Variants in OR52I2 observed in about 807,000 individuals in gnomAD.
The protein encoded by OR52I2 is olfactory receptor family 52 subfamily I member 2, also known as olfactory receptor 52I2.
For synonymous variants in OR52I2, 147 were observed against 151.9 expected (o/e 0.97, Z 0.24); for missense variants, 350 against 402.4 (o/e 0.87, Z 1.11).
chr11:4,585,237 G>A (rs1846290734), intron 1 of OR52I2, among the ~76,000 whole-genome samples: 1 of 152,082 alleles, frequency 6.6e-6, no homozygotes, highest in Admixed American at 6.6e-5. Context: ...CACATTTTGA[G>A]TGTGGTACAT....
chr11:4,582,434 A>ATT (rs386372959), intron 1 of OR52I2, among the ~76,000 whole-genome samples: 27,314 of 94,528 alleles, frequency 0.29, 5,236 homozygotes, highest in South Asian at 0.35. Context: ...TTTATTTTTC[A>ATT]TTTTTTTTTT....
At chr11:4,588,841 G>A (rs899929220) in exon 2 of OR52I2, 1 of 152,212 alleles carries the variant, frequency 6.6e-6, no homozygotes, top group Admixed American at 6.5e-5. Context: ...TGACTTTTAT[G>A]AGCCTCAGCT....
intron 1 of OR52I2, among the ~76,000 whole-genome samples, chr11:4,585,427 T>C (rs530441332): frequency 6.6e-5 from 10 of 152,290 alleles, no homozygotes; most frequent in Admixed American, 2.0e-4. Context: ...TATGAAATCA[T>C]TGAAACCAAT....
chr11:4,584,617 A>G (rs1028448652), intron 1 of OR52I2, among the ~76,000 whole-genome samples: 1 of 152,214 alleles, frequency 6.6e-6, no homozygotes, highest in African/African-American at 2.4e-5. Flanking sequence ...AGGCAAAAGT[A>G]AGGGAGACGG....
exon 2 of OR52I2, chr11:4,591,210 C>T (rs1846348024): frequency 6.6e-6 from 1 of 152,144 alleles, no homozygotes; most frequent in Non-Finnish European, 1.5e-5. Context: ...CACAGAATTC[C>T]ATTAATCTGA....
chr11:4,586,863 C>T lies in OR52I2; in HGVS notation c.-19-9C>T, dbSNP rs773535424. 1.9e-6 allele frequency: 3 copies of T among 1,613,946 alleles called. No individual in the cohort carries two copies. The Admixed American group carries it at 5.0e-5, about 27-fold the overall frequency. On this transcript the variant is annotated splice_polypyrimidine_tract_variant and intron_variant, in intron 1 of 1. Coordinates refer to ENST00000641896, the Ensembl canonical transcript of OR52I2. Reference sequence around the variant, plus strand: ...GCATTCTTCTCATACATCATTTGTGCATTAACAGGAAAAAAGTCTCACTTG... The same window carrying T: ...GCATTCTTCTCATACATCATTTGTGTATTAACAGGAAAAAAGTCTCACTTG...
chr11:4,592,089 G>C (rs931278021), exon 2 of OR52I2: 1 of 152,152 alleles, frequency 6.6e-6, no homozygotes, highest in Admixed American at 6.5e-5. Flanking sequence ...CCCATTTAAG[G>C]ATGTTATTTG....
At chr11:4,582,558 G>A (rs937020546) in intron 1 of OR52I2, among the ~76,000 whole-genome samples, 3 of 145,194 alleles carry the variant, frequency 2.1e-5, no homozygotes, top group African/African-American at 7.7e-5. Context: ...TCATGCCTCA[G>A]CCTCCTGAGT....
chr11:4,587,897 A>T lies in OR52I2; in HGVS notation c.*32A>T, dbSNP rs763011822. On this transcript the variant is annotated 3_prime_UTR_variant, in exon 2 of 2. Transcript: ENST00000641896. ...TATCTGTTCAGATCCAGCCAATTTC[A>T]AAGATGCCTTAGAGATCTGCAGAGC... 3 of 1,564,188 alleles carry T rather than the reference A, an allele frequency of 1.9e-6. No homozygotes were observed. In the Admixed American group the frequency reaches 5.1e-5, roughly 26 times the overall value.
exon 2 of OR52I2, chr11:4,587,438 G>C: frequency 1.2e-6 from 2 of 1,614,156 alleles, no homozygotes; most frequent in South Asian, 1.1e-5. Context: ...CACTCCTACT[G>C]TGAGCACATA....
At chr11:4,583,093 G>T (rs1346273915) in intron 1 of OR52I2, among the ~76,000 whole-genome samples, 1 of 152,186 alleles carries the variant, frequency 6.6e-6, no homozygotes, top group Non-Finnish European at 1.5e-5. Flanking sequence ...ACTGGCAACA[G>T]ATCCTTGATG....
chr11:4,585,189 C>T (rs1056042617), intron 1 of OR52I2, among the ~76,000 whole-genome samples: 10 of 152,136 alleles, frequency 6.6e-5, no homozygotes, highest in Non-Finnish European at 1.3e-4. Flanking sequence ...CTTTTCGACT[C>T]TTCGCTATCC....
chr11:4,581,840 G>T (rs1451750457), exon 1 of OR52I2: 2 of 152,268 alleles, frequency 1.3e-5, no homozygotes, highest in East Asian at 3.8e-4. Context: ...ATCAGGGAAA[G>T]TTGAATAGAG....
exon 2 of OR52I2, chr11:4,592,251 A>AT: frequency 6.6e-6 from 1 of 152,302 alleles, no homozygotes; most frequent in South Asian, 2.1e-4. Flanking sequence ...TCTGTGAAGT[A>AT]TTATTAACTC....
chr11:4,590,129 T>C (rs1846339808), exon 2 of OR52I2: 1 of 152,196 alleles, frequency 6.6e-6, no homozygotes, highest in Admixed American at 6.5e-5. Flanking sequence ...TTAACCTCAG[T>C]AGTGCCTATG....
At chr11:4,584,354 C>T (rs997460017) in intron 1 of OR52I2, among the ~76,000 whole-genome samples, 7 of 152,186 alleles carry the variant, frequency 4.6e-5, no homozygotes, top group African/African-American at 1.4e-4. Context: ...AAAGAGATCA[C>T]GTGTCCTTAA....
intron 1 of OR52I2, among the ~76,000 whole-genome samples, chr11:4,583,472 C>T (rs1213693959): frequency 6.6e-6 from 1 of 152,092 alleles, no homozygotes; most frequent in Non-Finnish European, 1.5e-5. Context: ...CTTTCTGCAG[C>T]CCTTTATGCA....
At chr11:4,582,202 G>A (rs750633328) in intron 1 of OR52I2, among the ~76,000 whole-genome samples, 1 of 152,104 alleles carries the variant, frequency 6.6e-6, no homozygotes, top group Non-Finnish European at 1.5e-5. Flanking sequence ...CTGGGAGTAT[G>A]CTTGGTTGGA....
At chr11:4,588,097 C>T (rs1846322600) in exon 2 of OR52I2, 4 of 541,314 alleles carry the variant, frequency 7.4e-6, no homozygotes, top group Non-Finnish European at 1.3e-5. Flanking sequence ...AGAGAATACA[C>T]ATTTGATTGA....
Sources: allele counts gnomAD v4.1 joint callset (sites outside exome capture counted in the v4.1 genomes callset), GRCh38; gene constraint gnomAD v4.1.1; transcripts MANE v1.5; gene names NCBI Gene and HGNC (gene_info 2026-07-23, HGNC 2026-07-21).